The following YBEY variants were observed in gnomAD, a reference collection of about 807,000 sequenced individuals.
The protein encoded by YBEY is ybeY metalloendoribonuclease.
A neutral mutation model predicts 13.5 loss-of-function variants in YBEY; 15 were observed. The observed-to-expected ratio is 1.11, with a 90% CI of 0.75 to 1.72. The LOEUF is 1.72. Ranked by LOEUF, YBEY falls within the 40% of genes most tolerant of loss-of-function variation. The pLI is 0.00. For missense variants in YBEY, 244 were observed against 208.4 expected (o/e 1.17, Z -1.05); for synonymous variants, 101 against 83.1 (o/e 1.21, Z -1.17).
downstream of YBEY, among the ~76,000 whole-genome samples, chr21:46,298,522 G>C (rs1040740907): frequency 5.5e-5 from 8 of 146,630 alleles, no homozygotes; most frequent in South Asian, 2.2e-4. Context: ...TCCGCCCGCC[G>C]GGGTTCACGC....
chr21:46,302,052 C>T, downstream of YBEY: 1 of 1,536,722 alleles, frequency 6.5e-7, no homozygotes. Flanking sequence ...ACAGTGGCAG[C>T]CCCAGGTGGC....
intron 3 of YBEY, among the ~76,000 whole-genome samples, chr21:46,294,816 C>G (rs2081895030): frequency 6.6e-6 from 1 of 152,008 alleles, no homozygotes; most frequent in African/African-American, 2.4e-5. Context: ...GTGAATCATA[C>G]TTAACTTGGC....
Position 46,286,970 on chromosome 21 carries a change from T to C in YBEY, c.57T>C (p.Leu19=). Residue 19 remains leucine, a synonymous_variant, in exon 2 of 5, where the codon CTT becomes CTC. Coordinates refer to ENST00000397701, the MANE Select transcript of YBEY (RefSeq NM_001314025.2). ...TCATCCCCATCAGGAGAGCGCCACT[T>C]CGCAGTAAGATCGAGATTGTAAGGA... ...QRVIPIRRAP[L]RSKIEIVRRI... is the part of the protein sequence containing the mutation. 6.2e-7 allele frequency: 1 copy of C among 1,614,150 alleles called. No homozygotes were observed. The highest frequency in any genetic ancestry group is 2.2e-5 in the East Asian group (1 of 44,874).
At chr21:46,297,230 T>C (rs920076436) in intron 4 of YBEY, among the ~76,000 whole-genome samples, 1 of 151,498 alleles carries the variant, frequency 6.6e-6, no homozygotes, top group Admixed American at 6.6e-5. Flanking sequence ...ACCCGGGAGG[T>C]GGAGGTTGCA....
At chr21:46,287,237 C>T (rs1459682630) in intron 2 of YBEY, 114 bp downstream of exon 2, 2 of 1,084,546 alleles carry the variant, frequency 1.8e-6, no homozygotes, top group Admixed American at 2.7e-5. Context: ...GCTCTGTCAC[C>T]CAGGCTGGAG....
At chr21:46,291,697 C>G (rs372702834) in intron 3 of YBEY, 6 of 1,292,884 alleles carry the variant, frequency 4.6e-6, no homozygotes, top group South Asian at 1.9e-5. Flanking sequence ...CCCAGAGAAG[C>G]CTTCTCAGCT....
chr21:46,291,019 GA>G (rs1232426831), intron 2 of YBEY, among the ~76,000 whole-genome samples: 261 of 129,976 alleles, frequency 2.0e-3, no homozygotes, highest in Middle Eastern at 8.0e-3. Flanking sequence ...TCTGTCTCAG[GA>G]AAAAAAAAAA....
chr21:46,295,192 T>C (rs12627400), intron 3 of YBEY, among the ~76,000 whole-genome samples: 6 of 151,856 alleles, frequency 4.0e-5, no homozygotes, highest in African/African-American at 1.5e-4. Context: ...AGCCCTCTCC[T>C]TGGGGCTCCC....
the YBEY span, among the ~76,000 whole-genome samples, chr21:46,304,490 A>C: frequency 6.8e-6 from 1 of 147,918 alleles, no homozygotes; most frequent in Non-Finnish European, 1.5e-5. Context: ...TGTCTCTTAG[A>C]AAAAAAAAAA....
chr21:46,303,709 ATAT>A, the YBEY span, among the ~76,000 whole-genome samples: 1 of 33,684 alleles, frequency 3.0e-5, no homozygotes, highest in Non-Finnish European at 5.2e-5. Context: ...CACACACAAA[ATAT>A]ATATATATAT....
chr21:46,299,305 C>T (rs2082051169), downstream of YBEY, among the ~76,000 whole-genome samples: 1 of 152,192 alleles, frequency 6.6e-6, no homozygotes, highest in East Asian at 1.9e-4. Context: ...GAGCAAATGC[C>T]CTTCTGACCT....
the YBEY span, among the ~76,000 whole-genome samples, chr21:46,312,470 C>G: frequency 2.0e-5 from 3 of 152,158 alleles, no homozygotes; most frequent in Non-Finnish European, 4.4e-5. Flanking sequence ...AGGCGCCTGC[C>G]ACCACGCCCG....
chr21:46,303,723 ATATATATATATATATATATATATTTTTT>A, the YBEY span, among the ~76,000 whole-genome samples: 4 of 22,638 alleles, frequency 1.8e-4, no homozygotes, highest in Non-Finnish European at 2.6e-4. Context: ...ATATATATAT[ATATATATATATATATATATATATTTTTT>A]TTTTTTTTTT....
intron 2 of YBEY, among the ~76,000 whole-genome samples, chr21:46,288,835 T>TTGA (rs921891317): frequency 6.6e-6 from 1 of 152,124 alleles, no homozygotes; most frequent in African/African-American, 2.4e-5. Flanking sequence ...CTGGGCAACA[T>TTGA]GGTCAAACCT....
At chr21:46,286,681 T>C (rs2081449191) in intron 1 of YBEY, 189 bp from the exon 2 acceptor site, 2 of 386,936 alleles carry the variant, frequency 5.2e-6, no homozygotes, top group South Asian at 7.6e-5. Flanking sequence ...CTGGAGTCCT[T>C]CTGGCCGGAT....
At chr21:46,301,593 T>G, downstream of YBEY, 1 of 1,004,348 alleles carries the variant, frequency 1.0e-6, no homozygotes, top group Non-Finnish European at 1.2e-6. Context: ...TGAGCTGAGA[T>G]TTTCTTAAAC....
At chr21:46,296,610 G>T (rs977195533) in intron 4 of YBEY, among the ~76,000 whole-genome samples, 1 of 152,164 alleles carries the variant, frequency 6.6e-6, no homozygotes, top group African/African-American at 2.4e-5. Flanking sequence ...GGCCCACGTG[G>T]GCTCCGGTCC....
chr21:46,291,604 G>C, intron 3 of YBEY, 142 bp downstream of exon 3: 1 of 1,470,008 alleles, frequency 6.8e-7, no homozygotes, highest in African/African-American at 1.4e-5. Flanking sequence ...CAGGGTGTGA[G>C]GAGCACCCAG....
chr21:46,302,318 A>G (rs1233633370), downstream of YBEY, among the ~76,000 whole-genome samples: 1 of 152,144 alleles, frequency 6.6e-6, no homozygotes, highest in East Asian at 1.9e-4. Context: ...TGTGCAACCC[A>G]TTCCTCATCT....
Sources: allele counts gnomAD v4.1 joint callset (sites outside exome capture counted in the v4.1 genomes callset), GRCh38; gene constraint gnomAD v4.1.1; transcripts MANE v1.5; gene names NCBI Gene and HGNC (gene_info 2026-07-23, HGNC 2026-07-21).